RNF17: variants seen among roughly 807,000 people sequenced by gnomAD.
RNF17 encodes spermatogenesis associated 23.
In RNF17, 31 loss-of-function variants were observed where a neutral mutation model predicts 200.5. The observed-to-expected ratio is 0.15, with a 90% CI of 0.12 to 0.21. The LOEUF is 0.21. RNF17 is among the 10% of genes least tolerant of loss of function. The pLI, the probability that RNF17 is intolerant of heterozygous loss-of-function variation, is 1.00. For synonymous variants in RNF17, 606 were observed against 637.8 expected (o/e 0.95, Z 0.75); for missense variants, 1,628 against 1,905.1 (o/e 0.85, Z 2.71).
chr13:24,776,321 A>G (rs1307628541), intron 3 of RNF17, among the ~76,000 whole-genome samples: 1 of 152,224 alleles, frequency 6.6e-6, no homozygotes, highest in Non-Finnish European at 1.5e-5. Context: ...ACTCAAAATT[A>G]TTCAGTGTAG....
In RNF17 at chr13:24,844,588, A is replaced by G. The variant is rs573706495; in HGVS notation, c.2832-64A>G. The G allele has an allele frequency of 1.6e-5, 21 of 1,299,980 alleles. 2 individuals are homozygous for G. In the South Asian group the frequency reaches 2.9e-4, roughly 18 times the overall value. 80.5% of individuals were successfully genotyped at this position (1,299,980 alleles called of 1,614,324 possible). ...GAATGAGCAAGCGGAGATTGTAGGA[A>G]ACATGTAGCCAGAGAATTATATAAG... On this transcript the variant is annotated intron_variant, in intron 20 of 35. Coordinates refer to ENST00000255324, the MANE Select transcript of RNF17 (RefSeq NM_031277.3).
chr13:24,864,345 A>T (rs1232408434), intron 28 of RNF17, among the ~76,000 whole-genome samples: 1 of 152,212 alleles, frequency 6.6e-6, no homozygotes, highest in Non-Finnish European at 1.5e-5. Context: ...GAGTTTGGAC[A>T]AAGGTGGGAT....
intron 6 of RNF17, among the ~76,000 whole-genome samples, chr13:24,783,940 G>A (rs764948813): frequency 2.7e-4 from 41 of 152,174 alleles, no homozygotes; most frequent in African/African-American, 7.0e-4. Context: ...AAGCAGGTAC[G>A]TCTTGTGCCT....
chr13:24,870,588 T>G lies in RNF17; in HGVS notation c.4296T>G (p.Asp1432Glu). Residue 1432 changes from aspartate (D) to glutamate (E), a missense_variant, in exon 32 of 36, where the codon GAT becomes GAG. By Grantham distance (45) the Asp-to-Glu change is conservative. This residue lies in a region of RNF17 where 609 missense variants were observed against 681.9 expected (regional missense o/e 0.89). Coordinates refer to ENST00000255324, the MANE Select transcript of RNF17 (RefSeq NM_031277.3). ...VSPNEVYICL[D>E]SIETSNQSNQ... The stretch of plus-strand genomic sequence containing the variant: ...CCACTTAGGTGTATATTTGCCTTGA[T>G]TCTATAGAAACTTCTAACCAGTCTA... 1 of 1,613,162 alleles carries G rather than the reference T, an allele frequency of 6.2e-7. No homozygotes were observed. The highest frequency in any genetic ancestry group is 1.1e-5 in the South Asian group (1 of 90,728).
chr13:24,863,982 C>G (rs1444269746), intron 28 of RNF17, among the ~76,000 whole-genome samples: 1 of 152,188 alleles, frequency 6.6e-6, no homozygotes, highest in African/African-American at 2.4e-5. Flanking sequence ...AGTAGGAAAT[C>G]CCTGCCTTTC....
the RNF17 span, among the ~76,000 whole-genome samples, chr13:24,884,945 A>G: frequency 6.6e-6 from 1 of 152,332 alleles, no homozygotes; most frequent in African/African-American, 2.4e-5. Flanking sequence ...TTTTCCCACT[A>G]AGAAACTTTC....
rs749415732 is a variant in RNF17, at chr13:24,787,979, TAAATG to T, written c.612-6_612-2del. 116 of 1,537,114 alleles carry T rather than the reference TAAATG, an allele frequency of 7.5e-5. No homozygotes were observed. The highest frequency in any genetic ancestry group is 9.6e-5 in the Non-Finnish European group (110 of 1,146,758). On this transcript the variant is annotated splice_polypyrimidine_tract_variant and splice_region_variant and intron_variant, in intron 6 of 35. Coordinates refer to ENST00000255324, the MANE Select transcript of RNF17 (RefSeq NM_031277.3). ...ATACTGCAAAATAACTTTGGAATCT[TAAATG>T]AAGGAAAAAGAACCTGTGTGAAGAA...
upstream of RNF17, among the ~76,000 whole-genome samples, chr13:24,763,091 G>A (rs1204980829): frequency 1.3e-5 from 2 of 151,914 alleles, no homozygotes; most frequent in Non-Finnish European, 2.9e-5. Context: ...AGGTTGTAAG[G>A]TCTAGTGCAA....
chr13:24,768,034 CT>C (rs1401071814), intron 2 of RNF17, among the ~76,000 whole-genome samples: 6 of 152,130 alleles, frequency 3.9e-5, no homozygotes, highest in East Asian at 1.9e-4. Flanking sequence ...AACTCCCCCC[CT>C]GCCCCTCAAC....
chr13:24,833,232 A>G (rs1356458354), intron 18 of RNF17, among the ~76,000 whole-genome samples: 2 of 152,174 alleles, frequency 1.3e-5, no homozygotes, highest in Non-Finnish European at 2.9e-5. Context: ...CTATTGGACT[A>G]TTCACTGTGA....
At chr13:24,799,133 A>T (rs1884951965) in intron 11 of RNF17, among the ~76,000 whole-genome samples, 1 of 151,934 alleles carries the variant, frequency 6.6e-6, no homozygotes, top group African/African-American at 2.4e-5. Context: ...CTTTGTTCTT[A>T]TTGCTCATAA....
At chr13:24,846,874 C>G (rs1891310415) in intron 22 of RNF17, among the ~76,000 whole-genome samples, 1 of 152,178 alleles carries the variant, frequency 6.6e-6, no homozygotes, top group African/African-American at 2.4e-5. Flanking sequence ...AAGACATATA[C>G]ACATGCACAC....
At chr13:24,799,010 G>A (rs536108734) in intron 11 of RNF17, among the ~76,000 whole-genome samples, 5 of 152,278 alleles carry the variant, frequency 3.3e-5, no homozygotes, top group African/African-American at 1.2e-4. Flanking sequence ...GTGTACATGT[G>A]TACATCACAA....
intron 30 of RNF17, among the ~76,000 whole-genome samples, chr13:24,867,251 C>T (rs1893730280): frequency 6.6e-6 from 1 of 152,184 alleles, no homozygotes; most frequent in Non-Finnish European, 1.5e-5. Context: ...TGGTCTTGAA[C>T]TCCGGGGCTC....
chr13:24,843,153 C>G (rs1268050529), intron 19 of RNF17, among the ~76,000 whole-genome samples: 1 of 152,106 alleles, frequency 6.6e-6, no homozygotes, highest in South Asian at 2.1e-4. Context: ...GCTGGAGGAG[C>G]TAGAATCAGG....
At chr13:24,858,822 A>G (rs1163078597) in intron 25 of RNF17, among the ~76,000 whole-genome samples, 179 bp from the exon 26 acceptor site, 2 of 152,032 alleles carry the variant, frequency 1.3e-5, no homozygotes, top group Non-Finnish European at 2.9e-5. Context: ...AATATAATCA[A>G]AGATCATAAT....
At chr13:24,802,235 C>T (rs1329620181) in intron 13 of RNF17, 146 bp from the exon 14 acceptor site, 22 of 611,386 alleles carry the variant, frequency 3.6e-5, no homozygotes, top group Non-Finnish European at 4.9e-5. Flanking sequence ...TCACCACGCC[C>T]GGCTGCCCTG....
intron 16 of RNF17, among the ~76,000 whole-genome samples, chr13:24,828,998 G>C (rs1204700345): frequency 6.6e-6 from 1 of 151,830 alleles, no homozygotes; most frequent in African/African-American, 2.4e-5. Flanking sequence ...TTTTGTAGAG[G>C]TGGGGTCAAA....
rs944615519 is a variant in RNF17, at chr13:24,800,351, T to C, written c.1590-15T>C. The C allele has an allele frequency of 2.0e-6, 3 of 1,518,164 alleles. No individual in the cohort carries two copies. The highest frequency in any genetic ancestry group is 2.7e-6 in the Non-Finnish European group (3 of 1,117,758). 94.0% of individuals were successfully genotyped at this position (1,518,164 alleles called of 1,614,324 possible). A position where few individuals can be genotyped will look rare whatever the true frequency, so the allele number is the denominator to read the frequency against. On this transcript the variant is annotated splice_polypyrimidine_tract_variant and intron_variant, in intron 12 of 35. Transcript: ENST00000255324. ...AAGCATTATTTTCAATAAATATTAC[T>C]TGAATTTCTCCTAGAGTTGTTGATA... is the stretch of plus-strand genomic sequence containing the variant.
Sources: allele counts gnomAD v4.1 joint callset (sites outside exome capture counted in the v4.1 genomes callset), GRCh38; gene constraint gnomAD v4.1.1; regional missense constraint gnomAD v4.1.1; transcripts MANE v1.5; gene names NCBI Gene and HGNC (gene_info 2026-07-23, HGNC 2026-07-21).